PDE4B: variants seen among roughly 807,000 people sequenced by gnomAD.
PDE4B encodes phosphodiesterase 4B, also known as 3',5'-cyclic-AMP phosphodiesterase 4B.
PDE4B carries 20 observed loss-of-function variants against 82.2 expected under a neutral mutation model. The observed-to-expected ratio is 0.24, with a 90% CI of 0.17 to 0.35. The LOEUF (loss-of-function observed/expected upper bound fraction) is 0.35. Among genes scored for constraint, PDE4B ranks in the 10% least tolerant of loss-of-function variants. The pLI, the probability that PDE4B is intolerant of heterozygous loss-of-function variation, is 1.00. For synonymous variants in PDE4B, 320 were observed against 318.9 expected (o/e 1.00, Z -0.04); for missense variants, 655 against 907.2 (o/e 0.72, Z 3.57).
intron 3 of PDE4B, among the ~76,000 whole-genome samples, chr1:65,982,677 A>G (rs1385836913): frequency 2.0e-5 from 3 of 152,174 alleles, no homozygotes; most frequent in East Asian, 3.9e-4. Flanking sequence ...AGAGTTTTCT[A>G]TCAGCAGAAA....
At chr1:65,963,778 A>G (rs1649666810) in intron 3 of PDE4B, among the ~76,000 whole-genome samples, 2 of 152,150 alleles carry the variant, frequency 1.3e-5, no homozygotes, top group South Asian at 4.1e-4. Context: ...AAATAACACA[A>G]TCATTGCCTT....
chr1:65,808,589 A>C (rs1645783143), intron 1 of PDE4B, among the ~76,000 whole-genome samples: 1 of 152,226 alleles, frequency 6.6e-6, no homozygotes, highest in Non-Finnish European at 1.5e-5. Flanking sequence ...GGCTGAGATC[A>C]CACTGTGAAC....
At chr1:65,977,243 C>G (rs1378051789) in intron 3 of PDE4B, among the ~76,000 whole-genome samples, 1 of 152,160 alleles carries the variant, frequency 6.6e-6, no homozygotes, top group East Asian at 1.9e-4. Flanking sequence ...CTGGGTCCCA[C>G]TCCCCAGAGT....
chr1:66,034,276 A>G (rs920811630), intron 3 of PDE4B, among the ~76,000 whole-genome samples: 1 of 152,208 alleles, frequency 6.6e-6, no homozygotes, highest in African/African-American at 2.4e-5. Flanking sequence ...TTACAACTCT[A>G]GGTTTCTGTT....
intron 3 of PDE4B, among the ~76,000 whole-genome samples, chr1:65,951,365 A>T (rs1027791141): frequency 6.6e-6 from 1 of 152,128 alleles, no homozygotes; most frequent in African/African-American, 2.4e-5. Context: ...AGAAGGGATG[A>T]TACAAAAGTA....
At chr1:66,001,949 C>T (rs1651888462) in intron 3 of PDE4B, among the ~76,000 whole-genome samples, 2 of 152,086 alleles carry the variant, frequency 1.3e-5, no homozygotes, top group East Asian at 3.9e-4. Flanking sequence ...TCTAGACCTC[C>T]TGGGCTCAAG....
intron 3 of PDE4B, among the ~76,000 whole-genome samples, chr1:66,185,184 G>A (rs555124303): frequency 0.019 from 2,820 of 152,230 alleles, 82 homozygotes; most frequent in African/African-American, 0.065. Flanking sequence ...CGTTTTTTAT[G>A]GCTGCGTAGT....
intron 3 of PDE4B, among the ~76,000 whole-genome samples, chr1:66,086,655 T>C (rs1377241945): frequency 6.6e-6 from 1 of 152,208 alleles, no homozygotes; most frequent in African/African-American, 2.4e-5. Context: ...GACTCTTTGT[T>C]TCTGCGAACC....
intron 3 of PDE4B, among the ~76,000 whole-genome samples, chr1:65,928,936 T>G (rs1456737758): frequency 6.6e-6 from 1 of 152,236 alleles, no homozygotes; most frequent in African/African-American, 2.4e-5. Context: ...AATTAATAAA[T>G]TCGGCCTGAT....
intron 3 of PDE4B, among the ~76,000 whole-genome samples, chr1:66,090,513 C>G (rs1644990254): frequency 1.3e-5 from 2 of 150,656 alleles, no homozygotes; most frequent in South Asian, 4.2e-4. Context: ...TGGGACATTC[C>G]TTTGTTCTTA....
intron 3 of PDE4B, among the ~76,000 whole-genome samples, chr1:66,015,529 G>C (rs946019968): frequency 7.2e-5 from 11 of 151,946 alleles, no homozygotes; most frequent in African/African-American, 2.7e-4. Context: ...TGCTTGAGCT[G>C]AGACCTGACT....
At chr1:66,080,482 A>T (rs1269278394) in intron 3 of PDE4B, among the ~76,000 whole-genome samples, 1 of 152,158 alleles carries the variant, frequency 6.6e-6, no homozygotes, top group East Asian at 1.9e-4. Flanking sequence ...AATTCAAAAC[A>T]TAATTATTGA....
chr1:65,857,137 T>G (rs918129412), intron 1 of PDE4B, among the ~76,000 whole-genome samples: 8 of 152,214 alleles, frequency 5.3e-5, no homozygotes, highest in African/African-American at 1.4e-4. Flanking sequence ...CTCCCCAGTT[T>G]GATGTTGGCA....
intron 3 of PDE4B, among the ~76,000 whole-genome samples, chr1:66,193,605 C>T (rs927353974): frequency 6.6e-6 from 1 of 152,080 alleles, no homozygotes; most frequent in African/African-American, 2.4e-5. Flanking sequence ...TCTTATGAAG[C>T]TTAATGCGTG....
chr1:66,196,789 T>G (rs923790334), intron 3 of PDE4B, among the ~76,000 whole-genome samples: 7 of 115,672 alleles, frequency 6.1e-5, no homozygotes, highest in Non-Finnish European at 1.2e-4. Context: ...AAGGGGAATA[T>G]CACACTCTGG....
intron 1 of PDE4B, among the ~76,000 whole-genome samples, chr1:65,845,254 T>C (rs1331268422): frequency 6.6e-6 from 1 of 152,180 alleles, no homozygotes; most frequent in African/African-American, 2.4e-5. Context: ...GTAAATAATT[T>C]GTTGAGAAAT....
chr1:65,940,285 G>A (rs1005579354), intron 3 of PDE4B, among the ~76,000 whole-genome samples: 3 of 152,090 alleles, frequency 2.0e-5, no homozygotes, highest in African/African-American at 7.2e-5. Flanking sequence ...AAAAAAGGCC[G>A]GGGTGAATGG....
chr1:65,963,824 A>G (rs1490222339), intron 3 of PDE4B, among the ~76,000 whole-genome samples: 3 of 152,200 alleles, frequency 2.0e-5, no homozygotes, highest in African/African-American at 7.2e-5. Context: ...TTTTAGAAAC[A>G]AACTGGTTAC....
At chr1:66,137,219 A>G (rs907759023) in intron 3 of PDE4B, among the ~76,000 whole-genome samples, 2 of 152,140 alleles carry the variant, frequency 1.3e-5, no homozygotes, top group East Asian at 1.9e-4. Context: ...TTGATGGTAG[A>G]TGGTTAAAGC....
Sources: gnomAD v4.1 joint callset for allele counts (sites outside exome capture counted in the v4.1 genomes callset) on GRCh38, gnomAD v4.1.1 for gene constraint, MANE v1.5 for transcripts, NCBI Gene and HGNC (gene_info 2026-07-23, HGNC 2026-07-21) for gene names.